The following MYH11 variants were observed in gnomAD, a reference collection of about 807,000 sequenced individuals.
MYH11 encodes the protein myosin-11.
MYH11 carries 80 observed loss-of-function variants against 246.6 expected under a neutral mutation model. The ratio of observed to expected loss-of-function variants is 0.32; its 90% CI spans 0.27 to 0.39. The LOEUF (loss-of-function observed/expected upper bound fraction) is 0.39, where lower values mean the gene tolerates loss of function less well. MYH11 is among the 10% of genes least tolerant of loss of function. The pLI is 1.00. For missense variants in MYH11, 2,158 were observed against 2,546.8 expected, an observed-to-expected ratio of 0.85 and a Z score of 3.29; for synonymous variants, 1,071 against 1,015.5, an observed-to-expected ratio of 1.05 and a Z score of -1.04.
chr16:15,712,694 G>C (rs1378800657), intron 40 of MYH11, among the ~76,000 whole-genome samples: 1 of 151,922 alleles, frequency 6.6e-6, no homozygotes, highest in Non-Finnish European at 1.5e-5. Context: ...CCCACAGGTC[G>C]GGGGACAAGC....
intron 14 of MYH11, among the ~76,000 whole-genome samples, chr16:15,754,955 C>T (rs1312527775): frequency 1.3e-5 from 2 of 152,168 alleles, no homozygotes; most frequent in Non-Finnish European, 2.9e-5. Context: ...GGGTTACAGG[C>T]GTGAGCCACC....
chr16:15,836,567 T>G (rs2043899851), intron 2 of MYH11, among the ~76,000 whole-genome samples: 1 of 151,102 alleles, frequency 6.6e-6, no homozygotes, highest in Non-Finnish European at 1.5e-5. Context: ...GCCCAGCTAA[T>G]TTTTGTATTT....
intron 1 of MYH11, among the ~76,000 whole-genome samples, chr16:15,851,628 C>G (rs181685523): frequency 5.3e-5 from 8 of 152,150 alleles, no homozygotes; most frequent in Non-Finnish European, 1.2e-4. Context: ...CACATCCCCC[C>G]ACCTCCCAAG....
intron 3 of MYH11, among the ~76,000 whole-genome samples, chr16:15,817,888 G>T (rs548245054): frequency 1.3e-5 from 2 of 152,102 alleles, no homozygotes; most frequent in Non-Finnish European, 2.9e-5. Flanking sequence ...GGCTTATAAA[G>T]CCCCACCTCT....
At chr16:15,798,783 G>T (rs2042813540) in intron 3 of MYH11, 96 bp from the exon 4 acceptor site, 3 of 1,260,448 alleles carry the variant, frequency 2.4e-6, no homozygotes, top group Non-Finnish European at 3.4e-6. Flanking sequence ...CCATTCTAAA[G>T]CTTCTCCATG....
chr16:15,759,754 G>A (rs747857568), intron 11 of MYH11, 26 bp from the exon 12 acceptor site: 5 of 1,613,202 alleles, frequency 3.1e-6, no homozygotes, highest in Non-Finnish European at 1.7e-6. Flanking sequence ...AGGGGAACCC[G>A]GTTATTCTCA....
intron 12 of MYH11, among the ~76,000 whole-genome samples, chr16:15,759,330 C>T (rs1027998842): frequency 3.3e-5 from 5 of 151,238 alleles, no homozygotes; most frequent in African/African-American, 9.7e-5. Flanking sequence ...AGAGAGAGAA[C>T]GATGGCGGGA....
chr16:15,774,868 A>G (rs1323477915), intron 8 of MYH11, among the ~76,000 whole-genome samples: 1 of 152,170 alleles, frequency 6.6e-6, no homozygotes, highest in Non-Finnish European at 1.5e-5. Flanking sequence ...GATTACAGGC[A>G]TGAGCCACTT....
intron 5 of MYH11, chr16:15,786,406 A>T: frequency 1.3e-6 from 1 of 741,850 alleles, no homozygotes; most frequent in Non-Finnish European, 2.5e-6. Flanking sequence ...CTCATTTCAC[A>T]AAACGGGCCC....
intron 2 of MYH11, among the ~76,000 whole-genome samples, chr16:15,825,563 T>C (rs769406411): frequency 2.6e-5 from 4 of 151,904 alleles, no homozygotes; most frequent in Non-Finnish European, 5.9e-5. Flanking sequence ...TGTCTTGAAA[T>C]TGATAGCTGT....
intron 2 of MYH11, among the ~76,000 whole-genome samples, chr16:15,834,790 C>G (rs1196556216): frequency 6.6e-6 from 1 of 152,068 alleles, no homozygotes; most frequent in Non-Finnish European, 1.5e-5. Flanking sequence ...ATAGTTACGG[C>G]CAGGCACAGT....
At chr16:15,782,260 T>G (rs555868840) in intron 6 of MYH11, 125 bp downstream of exon 6, 133 of 781,088 alleles carry the variant, frequency 1.7e-4, no homozygotes, top group East Asian at 6.0e-4. Flanking sequence ...TGCAAGATTG[T>G]GAGATACAGC....
At chr16:15,717,376 C>A in intron 37 of MYH11, 28 bp from the exon 38 acceptor site, 1 of 1,601,400 alleles carries the variant, frequency 6.2e-7, no homozygotes, top group South Asian at 1.1e-5. Context: ...GGCCATGAGG[C>A]GGACTCAGGG....
intron 20 of MYH11, chr16:15,742,285 C>T (rs139451577): frequency 7.4e-5 from 21 of 282,070 alleles, no homozygotes; most frequent in African/African-American, 4.1e-4. Flanking sequence ...ATATTTCCTT[C>T]CAAGGACAAA....
At chr16:15,766,893 G>A (rs2041995167) in intron 9 of MYH11, among the ~76,000 whole-genome samples, 1 of 152,228 alleles carries the variant, frequency 6.6e-6, no homozygotes, top group African/African-American at 2.4e-5. Flanking sequence ...AACACAGCAA[G>A]GGTGGTGACG....
chr16:15,816,165 G>T lies in MYH11; in HGVS notation c.502+7090C>A, dbSNP rs191989840. ...CAAGAAAGAGGAAGACATGAAAACTGGGAAACAAGGAATCCACTATGAAAG... is the reference window on the plus strand; with the variant it reads ...CAAGAAAGAGGAAGACATGAAAACTTGGAAACAAGGAATCCACTATGAAAG... On this transcript the variant is annotated intron_variant, in intron 3 of 40. Transcript: ENST00000300036. Among the ~76,000 whole-genome samples, 146 of 152,184 alleles carry T rather than the reference G, an allele frequency of 9.6e-4. 1 individual carries two copies. The highest frequency in any genetic ancestry group is 3.4e-3 in the African/African-American group (141 of 41,526).
Position 15,837,294 on chromosome 16 carries a change from G to C in MYH11, c.345+614C>G, listed in dbSNP as rs187379232. 2.5e-3 allele frequency among the ~76,000 whole-genome samples: 379 copies of C among 152,320 alleles called. 3 individuals carry two copies. The highest frequency in any genetic ancestry group is 8.4e-3 in the African/African-American group (350 of 41,564). On this transcript the variant is annotated intron_variant, in intron 2 of 40. Transcript: ENST00000300036. The stretch of plus-strand genomic sequence containing the variant: ...TTACTTTCAAGAGGAAGGAAGGACA[G>C]AGAACGATGCCAATGAAATCTGTTG...
At position 15,814,553 on chromosome 16, in the gene MYH11, CAAAAAAAAAAAAAAAAAAA is replaced by C. The variant is rs58806731; in HGVS notation, c.502+8683_502+8701del. 6.6e-4 allele frequency among the ~76,000 whole-genome samples: 15 copies of C among 22,816 alleles called. 1 individual carries two copies. The Admixed American group carries it at 0.01, about 16-fold the overall frequency. 15.0% of individuals were successfully genotyped at this position (22,816 alleles called of 152,430 possible). The stretch of plus-strand genomic sequence containing the variant: ...GGACAACGAGAGTGAAACTCCATCT[CAAAAAAAAAAAAAAAAAAA>C]AAAAAAAAAAAAGGTACCAAGAAAA... On this transcript the variant is annotated intron_variant, in intron 3 of 40. Transcript: ENST00000300036.
chr16:15,705,728 T>A (rs139410313), intron 40 of MYH11, among the ~76,000 whole-genome samples: 3,452 of 152,094 alleles, frequency 0.023, 138 homozygotes, highest in African/African-American at 0.079. Flanking sequence ...ACACCTGTAA[T>A]CTCAGCACTT....
Sources: gnomAD v4.1 joint callset for allele counts (sites outside exome capture counted in the v4.1 genomes callset) on GRCh38, gnomAD v4.1.1 for gene constraint, MANE v1.5 for transcripts, NCBI Gene and HGNC (gene_info 2026-07-23, HGNC 2026-07-21) for gene names.